Variants in PMFBP1 observed in about 807,000 individuals in gnomAD.
The protein encoded by PMFBP1 is polyamine-modulated factor 1-binding protein 1.
A neutral mutation model predicts 137.8 loss-of-function variants in PMFBP1; 131 were observed. The observed-to-expected ratio is 0.95, with a 90% confidence interval of 0.82 to 1.10. PMFBP1 has a LOEUF of 1.10. Ranked by LOEUF, PMFBP1 falls within the 50% of genes least tolerant of loss-of-function variation. The probability of loss-of-function intolerance (pLI) is 0.00; values close to 1 mark genes in which losing one functional copy is unlikely to be tolerated. For missense variants in PMFBP1, 1,199 were observed against 1,175.4 expected (o/e 1.02, Z -0.29); for synonymous variants, 490 against 450.4 (o/e 1.09, Z -1.11).
At chr16:72,217,066 C>T in the PMFBP1 span, among the ~76,000 whole-genome samples, 5 of 152,120 alleles carry the variant, frequency 3.3e-5, no homozygotes, top group Non-Finnish European at 5.9e-5. Flanking sequence ...GTGTCCTATA[C>T]GTGGTTCTCT....
At chr16:72,168,134 A>C (rs980472732) in intron 2 of PMFBP1, among the ~76,000 whole-genome samples, 6 of 152,232 alleles carry the variant, frequency 3.9e-5, no homozygotes, top group African/African-American at 1.4e-4. Context: ...CTTTCTTTGA[A>C]TATTCCTTAA....
At chr16:72,144,843 T>C (rs2042780989) in intron 5 of PMFBP1, among the ~76,000 whole-genome samples, 3 of 152,166 alleles carry the variant, frequency 2.0e-5, no homozygotes, top group Non-Finnish European at 4.4e-5. Context: ...ATCCTAAATA[T>C]ATATGCACCC....
In PMFBP1 at chr16:72,128,729, A is replaced by C. The variant is rs1446842151; in HGVS notation, c.2016T>G (p.Cys672Trp). The change falls in exon 14 of 21, where the codon TGT (cysteine) becomes TGG (tryptophan). Residue 672 changes from cysteine to tryptophan, a missense_variant. Transcript: ENST00000237353. ...NENLRAELQC[C>W]STQLESSLNK... The stretch of plus-strand genomic sequence containing the variant: ...TGAGAGAGGATTCCAGTTGTGTAGA[A>C]CAACACTGTAGCTCTGCTCGGAGAT... 6 of 1,614,068 alleles carry C rather than the reference A, an allele frequency of 3.7e-6. No individual in the cohort carries two copies. The highest frequency in any genetic ancestry group is 5.1e-6 in the Non-Finnish European group (6 of 1,179,992).
At chr16:72,230,735 C>A in the PMFBP1 span, among the ~76,000 whole-genome samples, 2 of 152,162 alleles carry the variant, frequency 1.3e-5, no homozygotes, top group Non-Finnish European at 2.9e-5. Context: ...ATATCATTCA[C>A]ACCCATCCCT....
intron 5 of PMFBP1, among the ~76,000 whole-genome samples, chr16:72,150,382 GTGGTGAC>G (rs2042883407): frequency 6.6e-6 from 1 of 152,192 alleles, no homozygotes; most frequent in Admixed American, 6.5e-5. Context: ...GTTATTTGAA[GTGGTGAC>G]TCTTTATGTT....
At chr16:72,229,121 T>C in the PMFBP1 span, among the ~76,000 whole-genome samples, 1 of 152,304 alleles carries the variant, frequency 6.6e-6, no homozygotes, top group East Asian at 1.9e-4. Context: ...TTTCTGTTCC[T>C]ATGTTAGTGT....
At chr16:72,227,428 G>T in the PMFBP1 span, among the ~76,000 whole-genome samples, 2 of 152,102 alleles carry the variant, frequency 1.3e-5, no homozygotes, top group Admixed American at 1.3e-4. Flanking sequence ...GAAGAAAAGT[G>T]TAAGAAAGAA....
At chr16:72,154,640 A>G (rs113199828) in intron 3 of PMFBP1, among the ~76,000 whole-genome samples, 181 bp from the exon 4 acceptor site, 1 of 152,192 alleles carries the variant, frequency 6.6e-6, no homozygotes, top group African/African-American at 2.4e-5. Context: ...ATCACTTAGT[A>G]TTCCCACTCA....
At position 72,122,873 on chromosome 16, in the gene PMFBP1, C is replaced by T. The variant is rs368249541; in HGVS notation, c.2768+41G>A. 10 of 1,579,242 alleles carry T rather than the reference C, an allele frequency of 6.3e-6. No individual in the cohort carries two copies. The African/African-American group carries it at 1.2e-4, about 19-fold the overall frequency. Reference sequence around the variant, plus strand: ...CTGGCTCCCTGCTGACCCTTCTTGTCAGCTCCCAGGAAGCAGCCAGGGTGG... The same window carrying T: ...CTGGCTCCCTGCTGACCCTTCTTGTTAGCTCCCAGGAAGCAGCCAGGGTGG... On this transcript the variant is annotated intron_variant, in intron 19 of 20. Transcript: ENST00000237353.
At chr16:72,179,595 TA>T (rs35524855), upstream of PMFBP1, among the ~76,000 whole-genome samples, 19 of 151,006 alleles carry the variant, frequency 1.3e-4, no homozygotes, top group Admixed American at 7.9e-4. Context: ...GTATTTTTGT[TA>T]AAAAAAAAGG....
the PMFBP1 span, among the ~76,000 whole-genome samples, chr16:72,247,658 A>G: frequency 6.6e-6 from 1 of 152,314 alleles, no homozygotes; most frequent in East Asian, 1.9e-4. Flanking sequence ...GGTATGTTAA[A>G]TTATTCGGCA....
intron 19 of PMFBP1, among the ~76,000 whole-genome samples, chr16:72,121,155 C>T (rs138086149): frequency 1.7e-4 from 26 of 152,284 alleles, no homozygotes; most frequent in African/African-American, 3.6e-4. Flanking sequence ...TAAAAAGTTT[C>T]GTGGTCTTTT....
rs528523205 is a variant in PMFBP1 at position 72,129,192 on chromosome 16, ATCT to A, written c.1821_1823del (p.Glu607del). The A allele has an allele frequency of 7.0e-4, 1,134 of 1,613,886 alleles. 6 individuals carry two copies. The African/African-American group carries it at 0.013, about 19-fold the overall frequency. On this transcript the variant is annotated inframe_deletion, in exon 13 of 21. Coordinates refer to ENST00000237353, the MANE Select transcript of PMFBP1 (RefSeq NM_031293.3). ...CCAGAAGCTTTGTGGCCTCCTGAAG[ATCT>A]TCTTCTAACTTGCATTTGATGGAGC... is the stretch of plus-strand genomic sequence containing the variant.
At position 72,150,793 on chromosome 16, in the gene PMFBP1, C is replaced by A. The variant is rs777864763; in HGVS notation, c.451G>T (p.Glu151Ter). 4 of 1,614,122 alleles carry A rather than the reference C, an allele frequency of 2.5e-6. No individual in the cohort carries two copies. The highest frequency in any genetic ancestry group is 3.4e-6 in the Non-Finnish European group (4 of 1,180,026). Reference sequence around the variant, plus strand: ...AAATGGAGCTTCTCCCCTGTGTTCTCGTTGTGATTTCCCATTTCCTCCTCA... The same window carrying A: ...AAATGGAGCTTCTCCCCTGTGTTCTAGTTGTGATTTCCCATTTCCTCCTCA... ...LYEEEMGNHN[E>*]NTGEKLHLAQ... is the part of the protein sequence containing the mutation. Residue 151 changes from glutamate (E) to a stop codon, truncating the protein, a stop_gained, in exon 5 of 21, where the codon GAG becomes TAG. Coordinates refer to ENST00000237353, the MANE Select transcript of PMFBP1 (RefSeq NM_031293.3). LOFTEE classifies it high-confidence loss of function.
At chr16:72,234,337 CA>C in the PMFBP1 span, among the ~76,000 whole-genome samples, 1 of 152,106 alleles carries the variant, frequency 6.6e-6, no homozygotes, top group African/African-American at 2.4e-5. Flanking sequence ...CAGCCTGCAG[CA>C]AGGAGGACAA....
the PMFBP1 span, among the ~76,000 whole-genome samples, chr16:72,223,273 T>A: frequency 2.3e-3 from 352 of 152,358 alleles, 3 homozygotes; most frequent in African/African-American, 7.9e-3. Context: ...TCAGTATTAG[T>A]GAACTGGCAT....
At chr16:72,222,604 T>A in the PMFBP1 span, among the ~76,000 whole-genome samples, 3 of 152,144 alleles carry the variant, frequency 2.0e-5, no homozygotes, top group African/African-American at 4.8e-5. Context: ...ATTTGTTGAA[T>A]ACCTGCTATG....
chr16:72,129,909 C>T (rs973758705), intron 12 of PMFBP1, among the ~76,000 whole-genome samples: 1 of 152,040 alleles, frequency 6.6e-6, no homozygotes, highest in African/African-American at 2.4e-5. Context: ...TGCAGTGGTG[C>T]GATCACAGCT....
At chr16:72,119,612 G>T in intron 20 of PMFBP1, 1 of 1,443,932 alleles carries the variant, frequency 6.9e-7, no homozygotes, top group Non-Finnish European at 9.0e-7. Flanking sequence ...CTGGGTCAGG[G>T]GAGGGGGCAG....
Sources: allele counts gnomAD v4.1 joint callset (sites outside exome capture counted in the v4.1 genomes callset), GRCh38; gene constraint gnomAD v4.1.1; transcripts MANE v1.5; gene names NCBI Gene and HGNC (gene_info 2026-07-23, HGNC 2026-07-21).